Variants in PISD observed in about 807,000 individuals in gnomAD.
PISD encodes the protein phosphatidylserine decarboxylase.
A neutral mutation model predicts 43.5 loss-of-function variants in PISD; 31 were observed. The observed-to-expected ratio is 0.71, with a 90% CI of 0.54 to 0.96. PISD has a LOEUF of 0.96. Among genes scored for constraint, PISD ranks in the 40% least tolerant of loss-of-function variants. The pLI is 0.00. For synonymous variants in PISD, 259 were observed against 228.7 expected, an observed-to-expected ratio of 1.13 and a Z score of -1.20; for missense variants, 523 against 548.4, an observed-to-expected ratio of 0.95 and a Z score of 0.46.
chr22:31,638,414 T>C (rs1988774531), intron 3 of PISD: 1 of 983,696 alleles, frequency 1.0e-6, no homozygotes, highest in African/African-American at 1.8e-5. Flanking sequence ...ATGCCCTGGG[T>C]CTGTGGAGGG....
At chr22:31,655,757 C>G (rs1448497919) in intron 1 of PISD, among the ~76,000 whole-genome samples, 1 of 152,134 alleles carries the variant, frequency 6.6e-6, no homozygotes, top group Non-Finnish European at 1.5e-5. Flanking sequence ...GCCTCAGCCT[C>G]CCAAGTAGCT....
rs569349124 is a variant in PISD at position 31,630,779 on chromosome 22, C to A, written c.322-8894G>T. Reference sequence around the variant, plus strand: ...AGTCACCTGGGGCTCCCGGCAGGGCCGGGGCGCCGGCTCCGCTCACTCACC... The same window carrying A: ...AGTCACCTGGGGCTCCCGGCAGGGCAGGGGCGCCGGCTCCGCTCACTCACC... On this transcript the variant is annotated intron_variant, in intron 3 of 7. Coordinates refer to ENST00000439502, the MANE Select transcript of PISD (RefSeq NM_001326411.2). This position sits in a 1 kb window ranked among gnomAD's most constrained non-coding sequence, Gnocchi z 4.4. 1 of 985,590 alleles carries A rather than the reference C, an allele frequency of 1.0e-6. No individual in the cohort carries two copies. Among genetic ancestry groups the A allele is most frequent in the South Asian group, 4.7e-5 (1 of 21,294 alleles). 61.1% of individuals were successfully genotyped at this position (985,590 alleles called of 1,614,324 possible). A position where few individuals can be genotyped will look rare whatever the true frequency, so the allele number is the denominator to read the frequency against.
chr22:31,634,164 C>T (rs895216835), intron 3 of PISD, among the ~76,000 whole-genome samples: 1 of 152,230 alleles, frequency 6.6e-6, no homozygotes, highest in South Asian at 2.1e-4. Context: ...AGCTGCGGAA[C>T]AGGGGTAAAA....
chr22:31,624,184 G>A (rs1258099179), intron 3 of PISD, among the ~76,000 whole-genome samples: 1 of 152,192 alleles, frequency 6.6e-6, no homozygotes, highest in East Asian at 1.9e-4. Flanking sequence ...GCAGCTCCCA[G>A]CAAGGGCCTC....
intron 1 of PISD, among the ~76,000 whole-genome samples, chr22:31,652,895 C>T (rs1349720868): frequency 6.6e-6 from 1 of 151,788 alleles, no homozygotes; most frequent in East Asian, 1.9e-4. Flanking sequence ...AAAAATTAGC[C>T]GGGCATGGTG....
chr22:31,622,083 G>C (rs1466900896), intron 3 of PISD, among the ~76,000 whole-genome samples, 198 bp from the exon 4 acceptor site: 5 of 152,238 alleles, frequency 3.3e-5, no homozygotes, highest in Non-Finnish European at 5.9e-5. Context: ...CACACGGAGT[G>C]CTGGATTTAC....
intron 3 of PISD, 66 bp from the exon 4 acceptor site, chr22:31,621,951 G>C: frequency 8.3e-7 from 1 of 1,207,178 alleles, no homozygotes; most frequent in South Asian, 1.2e-5. Context: ...CCCAAGTAGT[G>C]TCATTAGCCC....
At position 31,619,454 on chromosome 22, in the gene PISD, G is replaced by C. The variant is rs758846093; in HGVS notation, c.*158C>G. ...TCGCCACCTCTTGTCTGCACCTCTG[G>C]AACAGGTGGTAGCCGAATCATTCAA... On this transcript the variant is annotated 3_prime_UTR_variant, in exon 8 of 8. Coordinates refer to ENST00000439502, the MANE Select transcript of PISD (RefSeq NM_001326411.2). 525 of 699,868 alleles carry C rather than the reference G, an allele frequency of 7.5e-4. 2 individuals carry two copies. Among genetic ancestry groups the C allele is most frequent in the East Asian group, 2.0e-3 (75 of 36,718 alleles). The allele number at this position is 699,868 out of a possible 1,614,324, so 43.4% of individuals were successfully genotyped here.
At chr22:31,627,079 G>A (rs551239090) in intron 3 of PISD, among the ~76,000 whole-genome samples, 3 of 152,384 alleles carry the variant, frequency 2.0e-5, no homozygotes, top group Admixed American at 2.0e-4. Context: ...GATTCCGCCC[G>A]GGAACCTGCC....
Position 31,641,851 on chromosome 22 carries a change from A to T in PISD, c.321+6250T>A, listed in dbSNP as rs1242175505. 6.6e-5 allele frequency among the ~76,000 whole-genome samples: 10 copies of T among 150,918 alleles called. 1 individual carries two copies. The highest frequency in any genetic ancestry group is 2.5e-4 in the African/African-American group (10 of 40,298). ...TAATAATAATAATGATAAAATTTAA[A>T]AACTTAGGAATTATTTCTGGAAATT... On this transcript the variant is annotated intron_variant, in intron 3 of 7. Coordinates refer to ENST00000439502, the MANE Select transcript of PISD (RefSeq NM_001326411.2).
chr22:31,629,089 C>G, intron 3 of PISD: 1 of 985,402 alleles, frequency 1.0e-6, no homozygotes, highest in Non-Finnish European at 1.2e-6. Context: ...GGCAGTGTCC[C>G]CACCCGTCCC....
intron 3 of PISD, chr22:31,627,930 G>C (rs1341698706): frequency 1.4e-6 from 1 of 724,368 alleles, no homozygotes; most frequent in African/African-American, 1.9e-5. Flanking sequence ...GGCCAGGTCA[G>C]ATGCCCATCA....
intron 3 of PISD, chr22:31,629,209 TG>T: frequency 1.0e-6 from 1 of 985,270 alleles, no homozygotes; most frequent in Non-Finnish European, 1.2e-6. Flanking sequence ...CAGGTTGGGT[TG>T]GGGCCTGCAA....
At chr22:31,636,543 T>G (rs1427616484) in intron 3 of PISD, among the ~76,000 whole-genome samples, 3 of 149,416 alleles carry the variant, frequency 2.0e-5, no homozygotes, top group Non-Finnish European at 3.0e-5. Flanking sequence ...CTGGGTTTTG[T>G]TTTTTTTTGT....
chr22:31,650,128 G>A (rs764376613), intron 2 of PISD, among the ~76,000 whole-genome samples: 43 of 152,136 alleles, frequency 2.8e-4, no homozygotes, highest in Non-Finnish European at 6.0e-4. Context: ...TCAGGGAAAT[G>A]CAAATCAAAA....
chr22:31,652,090 T>C (rs1277296325), intron 1 of PISD, among the ~76,000 whole-genome samples: 1 of 152,206 alleles, frequency 6.6e-6, no homozygotes, highest in Non-Finnish European at 1.5e-5. Flanking sequence ...ATTGCATTTA[T>C]TACTTTCACA....
chr22:31,619,914 C>G (rs1227875807), intron 7 of PISD, 78 bp from the exon 8 acceptor site: 2 of 932,330 alleles, frequency 2.1e-6, no homozygotes, highest in Non-Finnish European at 3.3e-6. Context: ...TTTGGAGTCC[C>G]ACTCCCTCTG....
intron 1 of PISD, among the ~76,000 whole-genome samples, chr22:31,656,083 C>T (rs983093679): frequency 4.7e-5 from 7 of 149,018 alleles, no homozygotes; most frequent in South Asian, 2.4e-4. Context: ...CACCTGAGGT[C>T]GGGAGTTTGA....
chr22:31,655,114 T>C (rs1453443499), intron 1 of PISD, among the ~76,000 whole-genome samples: 1 of 146,952 alleles, frequency 6.8e-6, no homozygotes, highest in Non-Finnish European at 1.5e-5. Context: ...GGCAGGAGAC[T>C]GGGTCCCTGA....
Sources: allele counts gnomAD v4.1 joint callset (sites outside exome capture counted in the v4.1 genomes callset), GRCh38; gene constraint gnomAD v4.1.1; non-coding constraint Gnocchi (gnomAD v3.1); transcripts MANE v1.5; gene names NCBI Gene and HGNC (gene_info 2026-07-23, HGNC 2026-07-21).